QRICH2: variants seen among roughly 807,000 people sequenced by gnomAD.
QRICH2 encodes the protein glutamine-rich protein 2.
In QRICH2, 119 loss-of-function variants were observed where a neutral mutation model predicts 168.3. The observed-to-expected ratio is 0.71, with a 90% CI of 0.61 to 0.82. The LOEUF (loss-of-function observed/expected upper bound fraction) is 0.82. QRICH2 is among the 40% of genes least tolerant of loss of function. The pLI is 0.00. For missense variants in QRICH2, 2,241 were observed against 2,491.6 expected, an observed-to-expected ratio of 0.90 and a Z score of 2.14; for synonymous variants, 894 against 951.2, an observed-to-expected ratio of 0.94 and a Z score of 1.11.
At position 76,277,988 on chromosome 17, in the gene QRICH2, C is replaced by G; in HGVS notation, c.5117+1G>C. 1.2e-6 allele frequency: 2 copies of G among 1,610,576 alleles called. No homozygotes were observed. The highest frequency in any genetic ancestry group is 1.7e-6 in the Non-Finnish European group (2 of 1,179,980). On this transcript the variant is annotated splice_donor_variant, in intron 15 of 18. Coordinates refer to ENST00000680821, the MANE Select transcript of QRICH2 (RefSeq NM_001388453.1). LOFTEE classifies it high-confidence loss of function. ...CATGGCCTCGCCCGCCTCTCCTGTA[C>G]CGTTTGTAGCAGGGGGAGCCCAGGC...
chr17:76,275,292 C>A (rs914185702), intron 18 of QRICH2, among the ~76,000 whole-genome samples: 7 of 152,138 alleles, frequency 4.6e-5, no homozygotes, highest in Admixed American at 6.5e-5. Flanking sequence ...TCAAGAGTGA[C>A]CTTGCCCAGG....
Position 76,291,516 on chromosome 17 carries a change from T to C in QRICH2, c.3211A>G (p.Thr1071Ala), listed in dbSNP as rs763734365. 1 of 1,614,028 alleles carries C rather than the reference T, an allele frequency of 6.2e-7. No homozygotes were observed. Among genetic ancestry groups the C allele is most frequent in the South Asian group, 1.1e-5 (1 of 91,078 alleles). ...PIPLSTGLGS[T>A]HPDQQHVASP... is the part of the protein sequence containing the mutation. Reference sequence around the variant, plus strand: ...GCCACATGCTGTTGATCTGGGTGTGTAGATCCCAAACCTGTACTCAGTGGT... The same window carrying C: ...GCCACATGCTGTTGATCTGGGTGTGCAGATCCCAAACCTGTACTCAGTGGT... The change falls in exon 4 of 19, where the codon ACA becomes GCA. Residue 1071 changes from threonine to alanine, a missense_variant. This residue lies in a region of QRICH2 where 2,047 missense variants were observed against 2,303.8 expected (regional missense o/e 0.89). Coordinates refer to ENST00000680821, the MANE Select transcript of QRICH2 (RefSeq NM_001388453.1).
In QRICH2 at chr17:76,291,210, T is replaced by C; in HGVS notation, c.3517A>G (p.Ser1173Gly). The change falls in exon 4 of 19, where the codon AGT (serine) becomes GGT (glycine). Residue 1173 changes from serine (S) to glycine (G), a missense_variant. Transcript: ENST00000680821. ...RVLSEGSEVSSEVLSERRNSL... is the reference protein window; with the variant it reads ...RVLSEGSEVSGEVLSERRNSL... ...TTGCGTCGCTCACTCAGGACTTCAC[T>C]CGAGACTTCGCTCCCTTCTGATAAG... is the stretch of plus-strand genomic sequence containing the variant. The C allele has an allele frequency of 6.2e-7, 1 of 1,614,168 alleles. No individual in the cohort carries two copies.
Position 76,280,743 on chromosome 17 carries a change from T to A in QRICH2, c.4387-15A>T. 1 of 1,613,978 alleles carries A rather than the reference T, an allele frequency of 6.2e-7. No individual in the cohort carries two copies. On this transcript the variant is annotated splice_polypyrimidine_tract_variant and intron_variant, in intron 9 of 18. Transcript: ENST00000680821. This position sits in a 1 kb window ranked among gnomAD's most constrained non-coding sequence, Gnocchi z 7.4. ...TGGTACAGCATCTGGGGAGGCCAAG[T>A]GAACAGAGAAAAAAAGAGCCAGCAG...
chr17:76,292,388 C>A lies in QRICH2; in HGVS notation c.2339G>T (p.Gly780Val), dbSNP rs1230415363. ...GLVQPGVDQHGLAQPGEVQRS... is the reference protein window; with the variant it reads ...GLVQPGVDQHVLAQPGEVQRS... ...CTGAACTTCACCAGGTTGTGCCAAACCATGCTGATCCACTCCAGGTTGGAC... is the reference window on the plus strand; with the variant it reads ...CTGAACTTCACCAGGTTGTGCCAAAACATGCTGATCCACTCCAGGTTGGAC... Residue 780 changes from glycine (G) to valine (V), a missense_variant, in exon 4 of 19, where the codon GGT becomes GTT. Transcript: ENST00000680821. 1.1e-5 allele frequency: 18 copies of A among 1,607,106 alleles called. No homozygotes were observed. The highest frequency in any genetic ancestry group is 1.5e-5 in the Non-Finnish European group (18 of 1,176,760).
At chr17:76,305,170 T>TC (rs2070972975) in intron 1 of QRICH2, among the ~76,000 whole-genome samples, 1 of 148,756 alleles carries the variant, frequency 6.7e-6, no homozygotes, top group Admixed American at 6.7e-5. Context: ...GTTTCCTTTT[T>TC]TTTTTTTTTT....
At chr17:76,302,189 C>T (rs997161032) in intron 3 of QRICH2, among the ~76,000 whole-genome samples, 6 of 151,952 alleles carry the variant, frequency 3.9e-5, no homozygotes, top group African/African-American at 9.7e-5. Context: ...TGAGCCACCG[C>T]GCCGGCCGGC....
Position 76,307,458 on chromosome 17 carries a change from T to C in QRICH2, c.534+7A>G, listed in dbSNP as rs768119228. ...CGGCCTGCGCGTGCCTCCGTGTGCGTGCTCACCCTGGCAAAGCTGAGCTCC... is the reference window on the plus strand; with the variant it reads ...CGGCCTGCGCGTGCCTCCGTGTGCGCGCTCACCCTGGCAAAGCTGAGCTCC... On this transcript the variant is annotated splice_region_variant and intron_variant, in intron 1 of 18. Coordinates refer to ENST00000680821, the MANE Select transcript of QRICH2 (RefSeq NM_001388453.1). The surrounding 1 kb of genome is among the most constrained non-coding windows in gnomAD (Gnocchi z 5.3). 6.2e-7 allele frequency: 1 copy of C among 1,613,624 alleles called. No individual in the cohort carries two copies.
chr17:76,304,765 T>C (rs2070962843), intron 2 of QRICH2, 117 bp downstream of exon 2: 1 of 832,786 alleles, frequency 1.2e-6, no homozygotes, highest in East Asian at 2.4e-5. Context: ...GGCAGAGACT[T>C]GAGAGGCAGA....
chr17:76,285,518 T>G (rs1438203381), intron 7 of QRICH2, among the ~76,000 whole-genome samples: 1 of 151,304 alleles, frequency 6.6e-6, no homozygotes, highest in African/African-American at 2.4e-5. Flanking sequence ...TCTACCTGCG[T>G]CGTCCTCCCA....
chr17:76,308,998 C>T (rs1337946118), upstream of QRICH2, among the ~76,000 whole-genome samples: 1 of 150,652 alleles, frequency 6.6e-6, no homozygotes, highest in East Asian at 2.0e-4. Context: ...CGACCCACCT[C>T]GGCCTCCCAA....
chr17:76,306,410 G>A (rs1229477932), intron 1 of QRICH2, among the ~76,000 whole-genome samples: 1 of 151,868 alleles, frequency 6.6e-6, no homozygotes, highest in Non-Finnish European at 1.5e-5. Context: ...CTCTCCTCTT[G>A]GCCTCCCCAC....
chr17:76,275,382 C>T (rs1326642810), intron 18 of QRICH2, among the ~76,000 whole-genome samples: 4 of 152,200 alleles, frequency 2.6e-5, no homozygotes, highest in Admixed American at 6.5e-5. Context: ...AACTTAGCTC[C>T]TGCGGAGATC....
chr17:76,294,792 G>C (rs1259396219), intron 3 of QRICH2, among the ~76,000 whole-genome samples: 1 of 141,758 alleles, frequency 7.1e-6, no homozygotes, highest in Non-Finnish European at 1.5e-5. Context: ...CAGCCTGGGT[G>C]ACAGAGTGAG....
intron 3 of QRICH2, among the ~76,000 whole-genome samples, chr17:76,302,434 C>T (rs1173066858): frequency 6.6e-6 from 1 of 152,098 alleles, no homozygotes; most frequent in Non-Finnish European, 1.5e-5. Context: ...ATCCATGTCC[C>T]CATCCCCTGA....
intron 5 of QRICH2, among the ~76,000 whole-genome samples, chr17:76,288,383 TAAAAAAAAAAA>T (rs770162922): frequency 1.0e-3 from 40 of 39,248 alleles, no homozygotes; most frequent in African/African-American, 1.9e-3. Flanking sequence ...GAATCAGTCT[TAAAAAAAAAAA>T]AAAAAAAAAA....
At chr17:76,284,987 C>T (rs1419642919) in intron 7 of QRICH2, among the ~76,000 whole-genome samples, 4 of 150,152 alleles carry the variant, frequency 2.7e-5, no homozygotes, top group Middle Eastern at 3.2e-3. Flanking sequence ...GACAGGGTCT[C>T]GCTGTCACCC....
chr17:76,303,422 G>A (rs1470174084), intron 3 of QRICH2, among the ~76,000 whole-genome samples: 1 of 152,212 alleles, frequency 6.6e-6, no homozygotes, highest in East Asian at 1.9e-4. Flanking sequence ...CGGGAGGGAT[G>A]TCAAGACCAA....
In QRICH2 at chr17:76,280,590, T is replaced by C. The variant is rs2070768949; in HGVS notation, c.4461+64A>G. On this transcript the variant is annotated intron_variant, in intron 10 of 18. Coordinates refer to ENST00000680821, the MANE Select transcript of QRICH2 (RefSeq NM_001388453.1). This position sits in a 1 kb window ranked among gnomAD's most constrained non-coding sequence, Gnocchi z 7.4. Reference sequence around the variant, plus strand: ...CTCGCCAGCTCCCCTCCACTCAGTCTCTCAAAGAACAGTCAGCGAGACCGC... The same window carrying C: ...CTCGCCAGCTCCCCTCCACTCAGTCCCTCAAAGAACAGTCAGCGAGACCGC... The C allele has an allele frequency of 6.2e-7, 1 of 1,605,536 alleles. No individual in the cohort carries two copies. The highest frequency in any genetic ancestry group is 1.7e-5 in the Admixed American group (1 of 59,886).
Sources: gnomAD v4.1 joint callset for allele counts (sites outside exome capture counted in the v4.1 genomes callset) on GRCh38, gnomAD v4.1.1 for gene constraint, gnomAD v4.1.1 regional missense constraint, Gnocchi (gnomAD v3.1) non-coding constraint, MANE v1.5 for transcripts, NCBI Gene and HGNC (gene_info 2026-07-23, HGNC 2026-07-21) for gene names.